Variants in FMN1 observed in about 807,000 individuals in gnomAD.
FMN1 encodes the protein formin-1.
In FMN1, 110 loss-of-function variants were observed where a neutral mutation model predicts 132.4. That is an observed-to-expected ratio of 0.83 (90% CI 0.71 to 0.97). FMN1 has a LOEUF of 0.97. Ranked by LOEUF, FMN1 falls within the 50% of genes least tolerant of loss-of-function variation. The pLI, the probability that FMN1 is intolerant of heterozygous loss-of-function variation, is 0.00. For synonymous variants in FMN1, 722 were observed against 651.7 expected, an observed-to-expected ratio of 1.11 and a Z score of -1.64; for missense variants, 1,792 against 1,705.3, an observed-to-expected ratio of 1.05 and a Z score of -0.90.
intron 5 of FMN1, among the ~76,000 whole-genome samples, chr15:33,065,759 T>C (rs896032478): frequency 2.2e-4 from 33 of 152,182 alleles, no homozygotes; most frequent in African/African-American, 7.7e-4. Context: ...AGCAAGAAAT[T>C]CTATTTATTG....
intron 4 of FMN1, among the ~76,000 whole-genome samples, chr15:33,090,835 G>A (rs924817992): frequency 1.4e-4 from 21 of 152,156 alleles, no homozygotes; most frequent in African/African-American, 5.1e-4. Context: ...TGACTCTGAG[G>A]AAGATAGTAC....
chr15:33,020,414 G>A (rs2035354996), intron 6 of FMN1, among the ~76,000 whole-genome samples: 4 of 121,224 alleles, frequency 3.3e-5, no homozygotes, highest in South Asian at 2.5e-4. Context: ...TGGGGAGGCC[G>A]AGGTGGGTGG....
rs115325766 is a variant in FMN1, at chr15:32,830,300, C to T, written c.3929-25968G>A. Reference sequence around the variant, plus strand: ...AAGACAGATTTTTAAAAATAATCACCCCTATTGTAAGGGATAGTCACTCCT... The same window carrying T: ...AAGACAGATTTTTAAAAATAATCACTCCTATTGTAAGGGATAGTCACTCCT... On this transcript the variant is annotated intron_variant, in intron 17 of 20. Coordinates refer to ENST00000616417, the MANE Select transcript of FMN1 (RefSeq NM_001277313.2). Among the ~76,000 whole-genome samples the T allele has an allele frequency of 7.2e-3, 1,101 of 152,228 alleles. 21 individuals are homozygous for T. Among genetic ancestry groups the T allele is most frequent in the African/African-American group, 0.025 (1,031 of 41,532 alleles).
intron 9 of FMN1, among the ~76,000 whole-genome samples, chr15:32,932,131 G>A (rs976610222): frequency 6.6e-6 from 1 of 152,204 alleles, no homozygotes; most frequent in Non-Finnish European, 1.5e-5. Flanking sequence ...AGGTGCAGTG[G>A]CTCATGCCTG....
intron 6 of FMN1, among the ~76,000 whole-genome samples, chr15:33,033,554 CCT>C (rs2141079226): frequency 6.6e-6 from 1 of 152,206 alleles, no homozygotes; most frequent in African/African-American, 2.4e-5. Flanking sequence ...TCAAATTTTC[CCT>C]CTCTACCAGA....
chr15:32,884,777 A>C lies in FMN1; in HGVS notation c.3835+3395T>G, dbSNP rs139194617. Reference sequence around the variant, plus strand: ...GTCTTGTTAAGGGATGTAGAACAATAAACAAAATATGGAACATGTTCCCAA... The same window carrying C: ...GTCTTGTTAAGGGATGTAGAACAATCAACAAAATATGGAACATGTTCCCAA... On this transcript the variant is annotated intron_variant, in intron 16 of 20. Transcript: ENST00000616417. Among the ~76,000 whole-genome samples the C allele has an allele frequency of 2.6e-3, 396 of 152,344 alleles. 2 individuals carry two copies. The highest frequency in any genetic ancestry group is 9.4e-3 in the African/African-American group (389 of 41,588).
At chr15:33,119,551 C>A (rs1259033764) in intron 4 of FMN1, among the ~76,000 whole-genome samples, 1 of 152,192 alleles carries the variant, frequency 6.6e-6, no homozygotes, top group Admixed American at 6.5e-5. Flanking sequence ...CACTTTATAG[C>A]CCTATTAATG....
At position 32,774,106 on chromosome 15, in the gene FMN1, T is replaced by G. The variant is rs1217313953; in HGVS notation, c.*204A>C. The G allele has an allele frequency of 3.5e-6, 2 of 577,628 alleles. No individual in the cohort carries two copies. The highest frequency in any genetic ancestry group is 6.1e-6 in the Non-Finnish European group (2 of 328,826). The allele number at this position is 577,628 out of a possible 1,614,324, so 35.8% of individuals were successfully genotyped here. A position where few individuals can be genotyped will look rare whatever the true frequency, so the allele number is the denominator to read the frequency against. ...AATATTTCTGCAATGTTCCCTTAAA[T>G]AGTTTTCCATTGTTCCTGCGGCTTA... On this transcript the variant is annotated 3_prime_UTR_variant, in exon 21 of 21. Transcript: ENST00000616417.
At chr15:33,089,787 C>T (rs2038839724) in intron 4 of FMN1, among the ~76,000 whole-genome samples, 1 of 152,138 alleles carries the variant, frequency 6.6e-6, no homozygotes, top group Non-Finnish European at 1.5e-5. Context: ...TTTTAATGAC[C>T]ACACTATGGC....
At chr15:32,860,873 G>A (rs1037623698) in intron 16 of FMN1, 1 of 152,152 alleles carries the variant, frequency 6.6e-6, no homozygotes, top group African/African-American at 2.4e-5. Context: ...CTCATCCCAT[G>A]AGTCATAAGC....
intron 17 of FMN1, among the ~76,000 whole-genome samples, chr15:32,841,034 G>A (rs16959628): frequency 0.041 from 6,211 of 152,202 alleles, 424 homozygotes; most frequent in African/African-American, 0.13. Flanking sequence ...ATTTATCACC[G>A]TTTATCCAGC....
intron 6 of FMN1, among the ~76,000 whole-genome samples, chr15:33,048,951 T>C (rs1268062437): frequency 1.3e-5 from 2 of 152,198 alleles, no homozygotes; most frequent in African/African-American, 2.4e-5. Context: ...AAGTAAAAGG[T>C]GCTTTTAGTA....
At chr15:33,056,153 C>T (rs2037206848) in intron 6 of FMN1, among the ~76,000 whole-genome samples, 1 of 152,184 alleles carries the variant, frequency 6.6e-6, no homozygotes, top group South Asian at 2.1e-4. Flanking sequence ...CATCTGCTGA[C>T]ATAGAATCCA....
At chr15:33,160,489 C>T (rs1964845072) in intron 3 of FMN1, among the ~76,000 whole-genome samples, 1 of 152,150 alleles carries the variant, frequency 6.6e-6, no homozygotes, top group African/African-American at 2.4e-5. Context: ...AGTCAGAATG[C>T]AGTATGGAAT....
intron 9 of FMN1, among the ~76,000 whole-genome samples, chr15:32,954,400 A>G (rs2061718284): frequency 6.6e-6 from 1 of 152,248 alleles, no homozygotes; most frequent in African/African-American, 2.4e-5. Context: ...GCCTTCTAAA[A>G]ATAAAATGAA....
Position 33,048,644 on chromosome 15 carries a change from A to AAAAAAAAAAAAAAAAAAACAAAAAC in FMN1, c.2161+16312_2161+16313insGTTTTTGTTTTTTTTTTTTTTTTTT. 1.4e-3 allele frequency among the ~76,000 whole-genome samples: 125 copies of AAAAAAAAAAAAAAAAAAACAAAAAC among 86,874 alleles called. 7 individuals carry two copies. The highest frequency in any genetic ancestry group is 4.5e-3 in the African/African-American group (110 of 24,298). 57.0% of individuals were successfully genotyped at this position (86,874 alleles called of 152,430 possible). On this transcript the variant is annotated intron_variant, in intron 6 of 20. Coordinates refer to ENST00000616417, the MANE Select transcript of FMN1 (RefSeq NM_001277313.2). ...TGGGCAATTTACCAAAAAAAAAAAA[A>AAAAAAAAAAAAAAAAAAACAAAAAC]AAAAACCAACAGTTTAATGGACTTA...
At position 32,774,169 on chromosome 15, in the gene FMN1, G is replaced by A. The variant is rs1464942011; in HGVS notation, c.*141C>T. 2.8e-6 allele frequency: 2 copies of A among 703,036 alleles called. No homozygotes were observed. The highest frequency in any genetic ancestry group is 1.8e-5 in the African/African-American group (1 of 54,748). 43.5% of individuals were successfully genotyped at this position (703,036 alleles called of 1,614,324 possible). ...TTAAAGAAGGCATGGGGCACTCTCT[G>A]CAGATGACCTCAGAAAGAGATGAGC... On this transcript the variant is annotated 3_prime_UTR_variant, in exon 21 of 21. Coordinates refer to ENST00000616417, the MANE Select transcript of FMN1 (RefSeq NM_001277313.2).
intron 4 of FMN1, chr15:33,150,578 G>A (rs1964402945): frequency 1.0e-6 from 1 of 985,336 alleles, no homozygotes; most frequent in African/African-American, 1.7e-5. Context: ...TGCATGAATG[G>A]TAATGTCAGC....
chr15:33,016,121 TAAC>T (rs2035030026), intron 6 of FMN1, among the ~76,000 whole-genome samples: 3 of 150,184 alleles, frequency 2.0e-5, no homozygotes, highest in Non-Finnish European at 4.5e-5. Flanking sequence ...TTCATTAAAA[TAAC>T]AAATTAAATA....
Sources: allele counts gnomAD v4.1 joint callset (sites outside exome capture counted in the v4.1 genomes callset), GRCh38; gene constraint gnomAD v4.1.1; transcripts MANE v1.5; gene names NCBI Gene and HGNC (gene_info 2026-07-23, HGNC 2026-07-21).